The following FMNL2 variants were observed in gnomAD, a reference collection of about 807,000 sequenced individuals.
FMNL2 encodes the protein formin like 2, also known as formin-like protein 2.
A neutral mutation model predicts 130.2 loss-of-function variants in FMNL2; 51 were observed. The ratio of observed to expected loss-of-function variants is 0.39; its 90% CI spans 0.31 to 0.49. FMNL2 has a LOEUF of 0.49. FMNL2 is among the 20% of genes least tolerant of loss of function. The pLI is 0.85. For synonymous variants in FMNL2, 465 were observed against 467.1 expected, an observed-to-expected ratio of 1.00 and a Z score of 0.06; for missense variants, 977 against 1,316.2, an observed-to-expected ratio of 0.74 and a Z score of 3.99.
At chr2:152,623,152 C>A (rs752730937) in intron 15 of FMNL2, among the ~76,000 whole-genome samples, 1 of 152,204 alleles carries the variant, frequency 6.6e-6, no homozygotes. Flanking sequence ...TGGCAAACTT[C>A]TAGCGAGCGT....
intron 18 of FMNL2, 109 bp from the exon 19 acceptor site, chr2:152,629,547 T>G (rs536154148): frequency 1.1e-6 from 1 of 939,370 alleles, no homozygotes; most frequent in Admixed American, 2.4e-5. Context: ...GAAGCCTGTA[T>G]GCTCTAAATG....
intron 9 of FMNL2, among the ~76,000 whole-genome samples, chr2:152,595,078 A>G (rs1299076149): frequency 6.6e-6 from 1 of 152,156 alleles, no homozygotes; most frequent in African/African-American, 2.4e-5. Context: ...GCAGTGGAAA[A>G]TAAGGGCTCC....
At chr2:152,348,903 C>T (rs1232353474) in intron 1 of FMNL2, among the ~76,000 whole-genome samples, 3 of 113,880 alleles carry the variant, frequency 2.6e-5, no homozygotes, top group African/African-American at 7.4e-5. Context: ...GGCACAATCT[C>T]GGCTCACTGC....
intron 1 of FMNL2, among the ~76,000 whole-genome samples, chr2:152,458,408 C>T (rs191226962): frequency 1.3e-3 from 205 of 152,318 alleles, no homozygotes; most frequent in South Asian, 7.9e-3. Flanking sequence ...GCCCTTCATT[C>T]CCTGTTCTGT....
intron 9 of FMNL2, among the ~76,000 whole-genome samples, chr2:152,590,410 T>C (rs967087069): frequency 2.6e-5 from 4 of 152,008 alleles, no homozygotes; most frequent in South Asian, 2.1e-4. Context: ...CTGAGGTCAG[T>C]AGTTCGAGAC....
At chr2:152,352,327 A>G (rs1314865862) in intron 1 of FMNL2, among the ~76,000 whole-genome samples, 1 of 152,200 alleles carries the variant, frequency 6.6e-6, no homozygotes, top group Non-Finnish European at 1.5e-5. Context: ...AAAGGTAGGT[A>G]TATCCCTGTC....
At chr2:152,512,277 G>GA (rs1179653049) in intron 1 of FMNL2, among the ~76,000 whole-genome samples, 1 of 152,098 alleles carries the variant, frequency 6.6e-6, no homozygotes, top group African/African-American at 2.4e-5. Flanking sequence ...CATGAAGTTT[G>GA]AAAAAAATTG....
intron 9 of FMNL2, among the ~76,000 whole-genome samples, chr2:152,599,403 A>ATTTTTTTTT (rs1407347624): frequency 1.7e-5 from 1 of 57,456 alleles, no homozygotes; most frequent in African/African-American, 6.9e-5. Flanking sequence ...ATTGAAGGTC[A>ATTTTTTTTT]TCTTTTTTTT....
intron 1 of FMNL2, among the ~76,000 whole-genome samples, chr2:152,417,364 G>A (rs968403959): frequency 6.6e-6 from 1 of 152,124 alleles, no homozygotes; most frequent in African/African-American, 2.4e-5. Flanking sequence ...GAATGACATC[G>A]ATGTGGAGAG....
At chr2:152,622,110 A>G (rs530428249) in intron 15 of FMNL2, among the ~76,000 whole-genome samples, 2 of 152,308 alleles carry the variant, frequency 1.3e-5, no homozygotes, top group African/African-American at 2.4e-5. Flanking sequence ...TGATAGAACA[A>G]CCTGGCTCCC....
At chr2:152,412,446 T>TTTTATATA (rs1269957835) in intron 1 of FMNL2, among the ~76,000 whole-genome samples, 1 of 103,214 alleles carries the variant, frequency 9.7e-6, no homozygotes, top group Non-Finnish European at 1.8e-5. Flanking sequence ...TCTGTATATT[T>TTTTATATA]TATATATATA....
intron 1 of FMNL2, among the ~76,000 whole-genome samples, chr2:152,409,671 A>T (rs1686178430): frequency 6.6e-6 from 1 of 152,238 alleles, no homozygotes. Context: ...AGTAGTAGTT[A>T]TGCAGTAATC....
chr2:152,399,270 T>C lies in FMNL2; in HGVS notation c.117+63550T>C, dbSNP rs1307515209. Among the ~76,000 whole-genome samples the C allele has an allele frequency of 2.0e-5, 3 of 152,186 alleles. No individual in the cohort carries two copies. The East Asian group carries it at 5.8e-4, about 29-fold the overall frequency. ...GTAGGTGACTAATCCAAATAAAAGT[T>C]GTGGATCTGAGGGTGGAGGAGTAGA... On this transcript the variant is annotated intron_variant, in intron 1 of 25. Coordinates refer to ENST00000288670, the MANE Select transcript of FMNL2 (RefSeq NM_052905.4).
At chr2:152,438,497 T>C (rs1249335911) in intron 1 of FMNL2, among the ~76,000 whole-genome samples, 2 of 152,254 alleles carry the variant, frequency 1.3e-5, no homozygotes. Flanking sequence ...TTGTTACGTC[T>C]TCAGACTTTT....
At chr2:152,455,561 C>T (rs577889263) in intron 1 of FMNL2, among the ~76,000 whole-genome samples, 3 of 152,236 alleles carry the variant, frequency 2.0e-5, no homozygotes, top group African/African-American at 4.8e-5. Context: ...TGAGCACCTA[C>T]CACAGGCTGG....
chr2:152,425,292 A>C (rs1687145167), intron 1 of FMNL2, among the ~76,000 whole-genome samples: 1 of 152,184 alleles, frequency 6.6e-6, no homozygotes, highest in Admixed American at 6.6e-5. Context: ...TATTTCAGTA[A>C]AGGAATTGGA....
chr2:152,505,659 C>A (rs748439923), intron 1 of FMNL2, among the ~76,000 whole-genome samples: 1 of 152,216 alleles, frequency 6.6e-6, no homozygotes, highest in African/African-American at 2.4e-5. Flanking sequence ...CCCATTGTGA[C>A]TTCAGAGTCA....
chr2:152,631,026 A>G (rs981545488), intron 20 of FMNL2, among the ~76,000 whole-genome samples: 1 of 152,090 alleles, frequency 6.6e-6, no homozygotes, highest in African/African-American at 2.4e-5. Flanking sequence ...TTTTTTTTCT[A>G]GAGATGCATA....
intron 4 of FMNL2, among the ~76,000 whole-genome samples, chr2:152,551,295 G>A (rs1215390577): frequency 1.3e-5 from 2 of 152,186 alleles, no homozygotes; most frequent in Non-Finnish European, 2.9e-5. Flanking sequence ...GCAAGCAATT[G>A]GAGTGGTTTG....
Sources: gnomAD v4.1 joint callset for allele counts (sites outside exome capture counted in the v4.1 genomes callset) on GRCh38, gnomAD v4.1.1 for gene constraint, MANE v1.5 for transcripts, NCBI Gene and HGNC (gene_info 2026-07-23, HGNC 2026-07-21) for gene names.